Variants in MRPS35 observed in about 807,000 individuals in gnomAD.
The protein encoded by MRPS35 is small ribosomal subunit protein mS35.
Under a neutral mutation model 32.7 loss-of-function variants are expected in MRPS35, and 29 were observed. The observed-to-expected ratio is 0.89, with a 90% CI of 0.66 to 1.21. The LOEUF (loss-of-function observed/expected upper bound fraction) is 1.21, where lower values mean the gene tolerates loss of function less well. Ranked by LOEUF, MRPS35 falls within the 50% of genes most tolerant of loss-of-function variation. MRPS35 has a pLI of 0.00. For synonymous variants in MRPS35, 148 were observed against 139.3 expected (o/e 1.06, Z -0.44); for missense variants, 373 against 383.8 (o/e 0.97, Z 0.23).
chr12:27,719,606 C>T (rs2061865041), intron 3 of MRPS35, among the ~76,000 whole-genome samples: 1 of 149,330 alleles, frequency 6.7e-6, no homozygotes, highest in Non-Finnish European at 1.5e-5. Context: ...GCGGAGCTTG[C>T]AGTGAGCCGA....
chr12:27,710,975 T>A lies in MRPS35; in HGVS notation c.112+20T>A. On this transcript the variant is annotated intron_variant, in intron 1 of 7. Transcript: ENST00000081029. Reference sequence around the variant, plus strand: ...GCCTGCGTGAGTGTCTGTCTCGTCTTCTCTGGGCTTTGGGGGAGGTGCAAG... The same window carrying A: ...GCCTGCGTGAGTGTCTGTCTCGTCTACTCTGGGCTTTGGGGGAGGTGCAAG... 6.2e-7 allele frequency: 1 copy of A among 1,604,654 alleles called. No homozygotes were observed. Among genetic ancestry groups the A allele is most frequent in the Non-Finnish European group, 8.5e-7 (1 of 1,175,006 alleles).
intron 5 of MRPS35, among the ~76,000 whole-genome samples, chr12:27,733,223 G>A (rs1354203937): frequency 6.6e-6 from 1 of 152,052 alleles, no homozygotes; most frequent in African/African-American, 2.4e-5. Flanking sequence ...AGACTACAAT[G>A]TTGCAGTGCC....
chr12:27,739,873 A>G (rs1015528084), intron 7 of MRPS35, among the ~76,000 whole-genome samples: 6 of 152,270 alleles, frequency 3.9e-5, no homozygotes, highest in African/African-American at 1.4e-4. Flanking sequence ...TCCGTGACTT[A>G]GAATCCAAAC....
intron 1 of MRPS35, among the ~76,000 whole-genome samples, chr12:27,712,773 G>A (rs570494590): frequency 1.3e-5 from 2 of 152,298 alleles, no homozygotes; most frequent in East Asian, 3.9e-4. Context: ...TCCCAGCACT[G>A]TGGGAGGTCG....
chr12:27,736,281 A>G (rs1591800047), intron 6 of MRPS35, among the ~76,000 whole-genome samples: 1 of 152,338 alleles, frequency 6.6e-6, no homozygotes, highest in East Asian at 1.9e-4. Flanking sequence ...GGGAAGAAGG[A>G]GCCTGACACA....
At chr12:27,730,096 C>A (rs540621031) in intron 5 of MRPS35, among the ~76,000 whole-genome samples, 2 of 152,236 alleles carry the variant, frequency 1.3e-5, no homozygotes, top group East Asian at 1.9e-4. Context: ...TACTATGGTA[C>A]GTTTGTCACA....
intron 4 of MRPS35, 37 bp downstream of exon 4, chr12:27,719,905 C>G (rs1223838801): frequency 2.9e-6 from 4 of 1,386,400 alleles, no homozygotes; most frequent in Non-Finnish European, 4.1e-6. Flanking sequence ...TTTATATTGA[C>G]TTTGAACATA....
intron 5 of MRPS35, among the ~76,000 whole-genome samples, chr12:27,726,952 A>G (rs2061903073): frequency 7.1e-6 from 1 of 140,936 alleles, no homozygotes; most frequent in South Asian, 2.3e-4. Flanking sequence ...TACTTTCTTG[A>G]TGATGTCCTT....
At chr12:27,716,178 G>A in intron 2 of MRPS35, 113 bp from the exon 3 acceptor site, 1 of 1,000,970 alleles carries the variant, frequency 1.0e-6, no homozygotes, top group Non-Finnish European at 1.4e-6. Flanking sequence ...TACATATGTT[G>A]CAATTTTGCT....
rs1271043076 is a variant in MRPS35, at chr12:27,756,084, C to A, written c.*634C>A. 1 of 152,164 alleles carries A rather than the reference C, an allele frequency of 6.6e-6. No homozygotes were observed. Among genetic ancestry groups the A allele is most frequent in the Non-Finnish European group, 1.5e-5 (1 of 68,034 alleles). 9.4% of individuals were successfully genotyped at this position (152,164 alleles called of 1,614,324 possible). ...TACCTGGTATGTATCTCTCTGGGTG[C>A]CCCAGTTAGAGCTGCCACAGCTCAG... is the stretch of plus-strand genomic sequence containing the variant. On this transcript the variant is annotated 3_prime_UTR_variant, in exon 8 of 8. Transcript: ENST00000081029.
chr12:27,737,448 A>G lies in MRPS35; in HGVS notation c.633-91A>G, dbSNP rs548276777. On this transcript the variant is annotated intron_variant, in intron 6 of 7. Transcript: ENST00000081029. ...CAGAAAAGGAATACCTGAAAACATT[A>G]TCTTCTGTATTTAGTATATTGCATA... is the stretch of plus-strand genomic sequence containing the variant. 8.9e-5 allele frequency: 73 copies of G among 823,680 alleles called. 1 individual carries two copies. In the African/African-American group the frequency reaches 1.1e-3, roughly 13 times the overall value. 51.0% of individuals were successfully genotyped at this position (823,680 alleles called of 1,614,324 possible). A position where few individuals can be genotyped will look rare whatever the true frequency, so the allele number is the denominator to read the frequency against.
intron 3 of MRPS35, among the ~76,000 whole-genome samples, chr12:27,718,242 T>C (rs1476490923): frequency 2.6e-5 from 4 of 152,088 alleles, no homozygotes; most frequent in Non-Finnish European, 5.9e-5. Context: ...CTGGCCAACA[T>C]AGCAAAACCC....
At chr12:27,739,422 T>G (rs1203777477) in intron 7 of MRPS35, among the ~76,000 whole-genome samples, 1 of 152,248 alleles carries the variant, frequency 6.6e-6, no homozygotes, top group Non-Finnish European at 1.5e-5. Flanking sequence ...AGCTTTTCCT[T>G]CATATTATGA....
intron 5 of MRPS35, among the ~76,000 whole-genome samples, chr12:27,728,572 T>A (rs1252642526): frequency 6.6e-6 from 1 of 152,108 alleles, no homozygotes; most frequent in Non-Finnish European, 1.5e-5. Context: ...AAATATCTAC[T>A]CCACATTATA....
chr12:27,724,183 A>C lies in MRPS35; in HGVS notation c.519A>C (p.Leu173Phe). ...ACCCCAGAGCACGAGTAGTAGTCTT[A>C]AGAGTAAGAGTTTTTTTCATTTTTT... Reference protein sequence around the residue: ...VRNPRARVVVLRVKLSSLNLD... With the variant: ...VRNPRARVVVFRVKLSSLNLD... Residue 173 changes from leucine to phenylalanine, a missense_variant, in exon 5 of 8, where the codon TTA becomes TTC. Coordinates refer to ENST00000081029, the MANE Select transcript of MRPS35 (RefSeq NM_021821.4). 1 of 1,553,166 alleles carries C rather than the reference A, an allele frequency of 6.4e-7. No individual in the cohort carries two copies. Among genetic ancestry groups the C allele is most frequent in the Non-Finnish European group, 8.6e-7 (1 of 1,156,360 alleles).
chr12:27,724,047 AT>A lies in MRPS35; in HGVS notation c.388del (p.Cys130AlafsTer41). 6.2e-7 allele frequency: 1 copy of A among 1,601,068 alleles called. No homozygotes were observed. Among genetic ancestry groups the A allele is most frequent in the South Asian group, 1.1e-5 (1 of 88,004 alleles). ...AIKKHCEALK[D>X]FCTEWPAALD... is the part of the protein sequence containing the mutation. ...TTGAAATTATTTCTTTTATTCTCAG[AT>A]TTTTGCACTGAGTGGCCAGCCGCAC... On this transcript the variant is annotated frameshift_variant and splice_region_variant, in exon 5 of 8. Transcript: ENST00000081029. LOFTEE classifies it high-confidence loss of function.
intron 2 of MRPS35, among the ~76,000 whole-genome samples, chr12:27,715,859 A>G (rs1187051775): frequency 6.6e-6 from 1 of 152,188 alleles, no homozygotes; most frequent in Non-Finnish European, 1.5e-5. Flanking sequence ...TATTTATTCA[A>G]TCAGTTTAAC....
chr12:27,724,742 C>G (rs544666303), intron 5 of MRPS35, among the ~76,000 whole-genome samples: 57 of 148,562 alleles, frequency 3.8e-4, no homozygotes, highest in Non-Finnish European at 6.1e-4. Flanking sequence ...GATTCCATCT[C>G]GGAAAAAAAA....
intron 5 of MRPS35, among the ~76,000 whole-genome samples, chr12:27,732,622 A>G (rs932937384): frequency 6.6e-6 from 1 of 152,218 alleles, no homozygotes; most frequent in African/African-American, 2.4e-5. Context: ...GTTAGAAACT[A>G]CTATTGGACA....
Sources: gnomAD v4.1 joint callset for allele counts (sites outside exome capture counted in the v4.1 genomes callset) on GRCh38, gnomAD v4.1.1 for gene constraint, MANE v1.5 for transcripts, NCBI Gene and HGNC (gene_info 2026-07-23, HGNC 2026-07-21) for gene names.